RFPL1: variants seen among roughly 807,000 people sequenced by gnomAD.
The protein encoded by RFPL1 is ret finger protein-like 1.
Under a neutral mutation model 9.6 loss-of-function variants are expected in RFPL1, and 6 were observed. The ratio of observed to expected loss-of-function variants is 0.62; its 90% CI spans 0.34 to 1.23. RFPL1 has a LOEUF of 1.23. Among genes scored for constraint, RFPL1 ranks in the 50% most tolerant of loss-of-function variants. The pLI, the probability that RFPL1 is intolerant of heterozygous loss-of-function variation, is 0.03. For missense variants in RFPL1, 352 were observed against 398.4 expected (o/e 0.88, Z 0.99); for synonymous variants, 145 against 149.4 (o/e 0.97, Z 0.22).
At chr22:29,437,878 T>C, upstream of RFPL1, 1 of 686,660 alleles carries the variant, frequency 1.5e-6, no homozygotes, top group East Asian at 3.5e-5. Flanking sequence ...CCAGTCACCC[T>C]GGATCCCCAG....
chr22:29,410,381 T>C, the RFPL1 span, among the ~76,000 whole-genome samples: 1 of 77,680 alleles, frequency 1.3e-5, no homozygotes, highest in Non-Finnish European at 2.3e-5. Context: ...TCTATATATA[T>C]AGATATATAT....
At chr22:29,402,567 G>A in the RFPL1 span, among the ~76,000 whole-genome samples, 1 of 152,082 alleles carries the variant, frequency 6.6e-6, no homozygotes, top group African/African-American at 2.4e-5. Flanking sequence ...TTTATCGAGA[G>A]TGGGACCAGG....
the RFPL1 span, among the ~76,000 whole-genome samples, chr22:29,431,306 T>C: frequency 6.6e-6 from 1 of 152,214 alleles, no homozygotes; most frequent in African/African-American, 2.4e-5. Context: ...CCAGGCACAG[T>C]GTGTGCACTT....
chr22:29,407,473 G>C, the RFPL1 span, among the ~76,000 whole-genome samples: 1 of 151,384 alleles, frequency 6.6e-6, no homozygotes, highest in Non-Finnish European at 1.5e-5. Flanking sequence ...TGCTTGTATG[G>C]TAAGACTACA....
the RFPL1 span, among the ~76,000 whole-genome samples, chr22:29,410,215 C>CTA: frequency 2.3e-3 from 305 of 129,942 alleles, 1 homozygote; most frequent in African/African-American, 8.4e-3. Flanking sequence ...GTAAGTATAT[C>CTA]TATATATATA....
At chr22:29,437,267 C>T (rs1035812629), upstream of RFPL1, 27 of 179,318 alleles carry the variant, frequency 1.5e-4, no homozygotes, top group Non-Finnish European at 4.7e-5. Context: ...CCCCTATTAC[C>T]TTTGAGTCTG....
chr22:29,392,779 A>G, the RFPL1 span, among the ~76,000 whole-genome samples: 13 of 152,316 alleles, frequency 8.5e-5, no homozygotes, highest in Middle Eastern at 3.4e-3. Flanking sequence ...TGCTCCTGAC[A>G]TCGGCCCCAT....
exon 2 of RFPL1, chr22:29,442,134 A>C (rs2062844114): frequency 6.6e-7 from 1 of 1,506,456 alleles, no homozygotes; most frequent in Non-Finnish European, 8.9e-7. Flanking sequence ...CCCCCACTGC[A>C]AAAAAACAAA....
exon 1 of RFPL1, chr22:29,439,007 T>C (rs1291815879): frequency 6.2e-7 from 1 of 1,614,030 alleles, no homozygotes; most frequent in Non-Finnish European, 8.5e-7. Flanking sequence ...AGGAGCCCCA[T>C]GGGGAGGATC....
chr22:29,390,731 G>T, the RFPL1 span, among the ~76,000 whole-genome samples: 1 of 151,486 alleles, frequency 6.6e-6, no homozygotes, highest in South Asian at 2.1e-4. Context: ...GAGTAGCTGG[G>T]ACTACAGGCG....
At chr22:29,420,813 G>T in the RFPL1 span, among the ~76,000 whole-genome samples, 60 of 151,548 alleles carry the variant, frequency 4.0e-4, no homozygotes, top group African/African-American at 1.4e-3. Flanking sequence ...CCTAATTTTT[G>T]TATTTTTAGT....
At chr22:29,402,278 G>A in the RFPL1 span, among the ~76,000 whole-genome samples, 1 of 152,208 alleles carries the variant, frequency 6.6e-6, no homozygotes, top group African/African-American at 2.4e-5. Context: ...GTATACCACA[G>A]CTGGAACACT....
chr22:29,421,732 A>C, the RFPL1 span, among the ~76,000 whole-genome samples: 4 of 145,890 alleles, frequency 2.7e-5, no homozygotes, highest in African/African-American at 5.1e-5. Context: ...CACAGCACTC[A>C]CTCCTTCCCC....
At chr22:29,412,518 T>G in the RFPL1 span, among the ~76,000 whole-genome samples, 1 of 152,080 alleles carries the variant, frequency 6.6e-6, no homozygotes, top group African/African-American at 2.4e-5. Context: ...TTCCACTTAC[T>G]TTGGAGATGG....
chr22:29,421,055 T>A, the RFPL1 span, among the ~76,000 whole-genome samples: 1 of 152,120 alleles, frequency 6.6e-6, no homozygotes, highest in Non-Finnish European at 1.5e-5. Flanking sequence ...ATGGAGGCTG[T>A]GAGAGGCTCA....
At chr22:29,430,527 A>C in the RFPL1 span, among the ~76,000 whole-genome samples, 2 of 152,186 alleles carry the variant, frequency 1.3e-5, no homozygotes, top group African/African-American at 2.4e-5. Context: ...AACTAACAAA[A>C]CAACAACAAA....
chr22:29,394,035 C>G, the RFPL1 span, among the ~76,000 whole-genome samples: 2 of 152,114 alleles, frequency 1.3e-5, no homozygotes, highest in African/African-American at 4.8e-5. Context: ...GTCTCAAACT[C>G]CTGGCCTCAA....
chr22:29,396,992 C>T, the RFPL1 span, among the ~76,000 whole-genome samples: 8 of 150,932 alleles, frequency 5.3e-5, no homozygotes, highest in Non-Finnish European at 8.9e-5. Flanking sequence ...CTGCAAGCTC[C>T]GCCTCCCGGG....
intron 1 of RFPL1, chr22:29,440,947 A>G (rs900833572): frequency 6.5e-6 from 1 of 152,950 alleles, no homozygotes; most frequent in Admixed American, 6.5e-5. Flanking sequence ...TTCACCTCCC[A>G]TGTAGGATGG....
Sources: gnomAD v4.1 joint callset for allele counts (sites outside exome capture counted in the v4.1 genomes callset) on GRCh38, gnomAD v4.1.1 for gene constraint, MANE v1.5 for transcripts, NCBI Gene and HGNC (gene_info 2026-07-23, HGNC 2026-07-21) for gene names.